Variants in NCOR2 observed in about 807,000 individuals in gnomAD.
The protein encoded by NCOR2 is CTG repeat protein 26.
NCOR2 carries 81 observed loss-of-function variants against 262.9 expected under a neutral mutation model. That is an observed-to-expected ratio of 0.31 (90% CI 0.26 to 0.37). The LOEUF is 0.37. Among genes scored for constraint, NCOR2 ranks in the 10% least tolerant of loss-of-function variants. The pLI is 1.00. For missense variants in NCOR2, 3,385 were observed against 3,621.4 expected (o/e 0.93, Z 1.68); for synonymous variants, 1,659 against 1,559.3 (o/e 1.06, Z -1.51).
chr12:124,519,464 C>T (rs1462661556), intron 1 of NCOR2, among the ~76,000 whole-genome samples: 1 of 152,090 alleles, frequency 6.6e-6, no homozygotes, highest in Non-Finnish European at 1.5e-5. Flanking sequence ...AGGAAGGCAC[C>T]CCTGGCAGAA....
intron 6 of NCOR2, among the ~76,000 whole-genome samples, chr12:124,452,769 G>C (rs2045625941): frequency 6.6e-6 from 1 of 152,270 alleles, no homozygotes; most frequent in East Asian, 1.9e-4. Flanking sequence ...CACAGGGGAG[G>C]AAGGCCACTT....
At chr12:124,429,302 G>A in intron 10 of NCOR2, 1 of 391,296 alleles carries the variant, frequency 2.6e-6, no homozygotes, top group Non-Finnish European at 4.7e-6. Context: ...CAGGAGATGG[G>A]AAGAGTGAGA....
intron 1 of NCOR2, among the ~76,000 whole-genome samples, chr12:124,530,867 CA>C (rs543471459): frequency 3.6e-4 from 55 of 152,190 alleles, no homozygotes; most frequent in Non-Finnish European, 6.0e-4. Flanking sequence ...GATAAATGGT[CA>C]AGCCCAGGCC....
chr12:124,506,274 C>G (rs1232381722), intron 1 of NCOR2, among the ~76,000 whole-genome samples: 1 of 152,156 alleles, frequency 6.6e-6, no homozygotes, highest in East Asian at 1.9e-4. Flanking sequence ...TACGGGTGCC[C>G]AAACCCCCGG....
intron 44 of NCOR2, among the ~76,000 whole-genome samples, chr12:124,329,510 G>A (rs535266653): frequency 6.6e-6 from 1 of 152,068 alleles, no homozygotes; most frequent in East Asian, 1.9e-4. Context: ...GTCGAGGTGG[G>A]AGGATCCTCA....
chr12:124,371,746 G>A (rs903009554), intron 20 of NCOR2, among the ~76,000 whole-genome samples: 11 of 152,172 alleles, frequency 7.2e-5, no homozygotes, highest in African/African-American at 2.7e-4. Flanking sequence ...CAGGCTGCCT[G>A]GCACACTCTC....
chr12:124,560,904 C>T (rs1310495372), intron 1 of NCOR2, among the ~76,000 whole-genome samples: 1 of 152,142 alleles, frequency 6.6e-6, no homozygotes, highest in Non-Finnish European at 1.5e-5. Flanking sequence ...ACATTCTCCC[C>T]AAGAAGTATA....
exon 15 of NCOR2, chr12:124,400,667 C>T (rs372872846): frequency 7.2e-5 from 117 of 1,614,038 alleles, no homozygotes; most frequent in Non-Finnish European, 9.9e-5. Context: ...TGTCGTCTGT[C>T]TTCTCCCTAC....
chr12:124,426,156 T>C (rs1486251863), intron 11 of NCOR2, among the ~76,000 whole-genome samples: 1 of 152,190 alleles, frequency 6.6e-6, no homozygotes, highest in African/African-American at 2.4e-5. Flanking sequence ...GTGTGTCCTC[T>C]TAAAATTCAT....
intron 3 of NCOR2, among the ~76,000 whole-genome samples, chr12:124,474,495 C>A (rs1179268513): frequency 6.6e-6 from 1 of 152,186 alleles, no homozygotes; most frequent in Non-Finnish European, 1.5e-5. Context: ...CAGCTAAAGT[C>A]TGGTGCACCC....
At chr12:124,394,017 C>T (rs2041493185) in intron 16 of NCOR2, among the ~76,000 whole-genome samples, 1 of 152,254 alleles carries the variant, frequency 6.6e-6, no homozygotes, top group African/African-American at 2.4e-5. Context: ...AGGTGACTTA[C>T]CTCCGACCCC....
At chr12:124,470,371 T>G (rs2046769883) in intron 4 of NCOR2, among the ~76,000 whole-genome samples, 1 of 152,124 alleles carries the variant, frequency 6.6e-6, no homozygotes, top group Non-Finnish European at 1.5e-5. Flanking sequence ...CCATGAGAAC[T>G]GAAAACAGGT....
chr12:124,558,524 G>T (rs1258761953), intron 1 of NCOR2, among the ~76,000 whole-genome samples: 1 of 152,232 alleles, frequency 6.6e-6, no homozygotes, highest in Non-Finnish European at 1.5e-5. Flanking sequence ...AGAGCAGGCA[G>T]GAGGCGGCTG....
At chr12:124,431,954 A>C (rs1329478780) in intron 8 of NCOR2, among the ~76,000 whole-genome samples, 1 of 152,060 alleles carries the variant, frequency 6.6e-6, no homozygotes, top group African/African-American at 2.4e-5. Flanking sequence ...ACAGGCAGAC[A>C]GACACACAGT....
intron 6 of NCOR2, among the ~76,000 whole-genome samples, chr12:124,456,185 G>A (rs532736112): frequency 1.3e-5 from 2 of 152,348 alleles, no homozygotes; most frequent in South Asian, 2.1e-4. Context: ...GAAGGCATAA[G>A]CCTTTATCTG....
intron 1 of NCOR2, among the ~76,000 whole-genome samples, chr12:124,525,168 G>A (rs753210110): frequency 3.9e-5 from 6 of 152,142 alleles, no homozygotes; most frequent in Non-Finnish European, 7.4e-5. Context: ...TTACAGAGTG[G>A]GAAACTGAGG....
intron 46 of NCOR2, 31 bp downstream of exon 48, chr12:124,326,160 G>A (rs1003117766): frequency 6.2e-6 from 9 of 1,460,500 alleles, no homozygotes; most frequent in Middle Eastern, 2.3e-4. Flanking sequence ...GGGGCTCAGC[G>A]AGCCCAGCCC....
intron 3 of NCOR2, among the ~76,000 whole-genome samples, chr12:124,475,566 C>T (rs1370394798): frequency 6.6e-6 from 1 of 152,268 alleles, no homozygotes; most frequent in Non-Finnish European, 1.5e-5. Flanking sequence ...ATTGCAAAAG[C>T]AGCCACAGGC....
intron 8 of NCOR2, among the ~76,000 whole-genome samples, chr12:124,433,428 C>A (rs2044095855): frequency 6.6e-6 from 1 of 152,258 alleles, no homozygotes; most frequent in Non-Finnish European, 1.5e-5. Context: ...CGGAAGCCAA[C>A]AGGCCACTGG....
Sources: gnomAD v4.1 joint callset for allele counts (sites outside exome capture counted in the v4.1 genomes callset) on GRCh38, gnomAD v4.1.1 for gene constraint, MANE v1.5 for transcripts, NCBI Gene and HGNC (gene_info 2026-07-23, HGNC 2026-07-21) for gene names.